Variants in TMEM232 observed in about 807,000 individuals in gnomAD.
TMEM232 encodes the protein transmembrane protein 232.
TMEM232 carries 80 observed loss-of-function variants against 78.8 expected under a neutral mutation model. That is an observed-to-expected ratio of 1.01 (90% CI 0.85 to 1.22). TMEM232 has a LOEUF of 1.22. Among genes scored for constraint, TMEM232 ranks in the 50% most tolerant of loss-of-function variants. The probability of loss-of-function intolerance (pLI) is 0.00; values close to 1 mark genes in which losing one functional copy is unlikely to be tolerated. For synonymous variants in TMEM232, 297 were observed against 254.3 expected, an observed-to-expected ratio of 1.17 and a Z score of -1.60; for missense variants, 881 against 742.2, an observed-to-expected ratio of 1.19 and a Z score of -2.17.
intron 12 of TMEM232, among the ~76,000 whole-genome samples, chr5:110,481,614 C>G (rs983549154): frequency 6.6e-6 from 1 of 152,134 alleles, no homozygotes; most frequent in African/African-American, 2.4e-5. Flanking sequence ...AACATTTTGA[C>G]TCTGAGAAAT....
chr5:110,662,324 G>GA (rs1158124449), intron 2 of TMEM232, among the ~76,000 whole-genome samples: 1 of 151,814 alleles, frequency 6.6e-6, no homozygotes, highest in Non-Finnish European at 1.5e-5. Context: ...ATACCTATAT[G>GA]AAAAAAGCAG....
chr5:110,597,592 C>T (rs994686572), intron 10 of TMEM232, among the ~76,000 whole-genome samples: 2 of 151,786 alleles, frequency 1.3e-5, no homozygotes, highest in African/African-American at 4.8e-5. Context: ...CTGGAGGCAT[C>T]ACGCTACCTG....
At chr5:110,593,829 GT>G (rs1779829011) in intron 10 of TMEM232, among the ~76,000 whole-genome samples, 1 of 151,994 alleles carries the variant, frequency 6.6e-6, no homozygotes, top group African/African-American at 2.4e-5. Flanking sequence ...TAATTGGATT[GT>G]TTGTAACACA....
intron 10 of TMEM232, among the ~76,000 whole-genome samples, chr5:110,596,987 T>C (rs1780249134): frequency 6.6e-6 from 1 of 152,132 alleles, no homozygotes; most frequent in South Asian, 2.1e-4. Flanking sequence ...CCCCTCCTAT[T>C]CAACATAGTG....
chr5:110,484,328 G>GA (rs576149495), intron 12 of TMEM232, among the ~76,000 whole-genome samples: 34 of 150,902 alleles, frequency 2.3e-4, no homozygotes, highest in Non-Finnish European at 4.1e-4. Flanking sequence ...TTTAAAAAGT[G>GA]AAAAATCGAA....
intron 1 of TMEM232, among the ~76,000 whole-genome samples, chr5:110,696,392 C>A: frequency 6.6e-6 from 1 of 152,112 alleles, no homozygotes; most frequent in East Asian, 1.9e-4. Context: ...AAAACGGGCA[C>A]AAGACAGGGA....
At chr5:110,391,291 ATGTGTGTGTGTGTGTGTGTG>A (rs369913835) in intron 3 of TMEM232, among the ~76,000 whole-genome samples, 1 of 130,578 alleles carries the variant, frequency 7.7e-6, no homozygotes, top group Non-Finnish European at 1.6e-5. Context: ...TCCCGTTTGA[ATGTGTGTGTGTGTGTGTGTG>A]TGTGTGTGTG....
intron 12 of TMEM232, among the ~76,000 whole-genome samples, chr5:110,430,751 T>C (rs1055422180): frequency 2.0e-5 from 3 of 151,762 alleles, no homozygotes; most frequent in Non-Finnish European, 4.4e-5. Context: ...TTCAATAACC[T>C]TTAGGATTTC....
intron 10 of TMEM232, among the ~76,000 whole-genome samples, chr5:110,585,699 G>C (rs767389740): frequency 4.8e-4 from 73 of 151,968 alleles, no homozygotes; most frequent in Non-Finnish European, 8.4e-4. Context: ...GCAGTTCCAA[G>C]AGCTCTGGGT....
intron 12 of TMEM232, among the ~76,000 whole-genome samples, chr5:110,444,235 C>T (rs545887736): frequency 3.6e-4 from 54 of 152,068 alleles, no homozygotes; most frequent in Non-Finnish European, 6.3e-4. Flanking sequence ...CCCCTGATGA[C>T]AAGGTTTGTT....
chr5:110,444,277 C>T (rs1470815290), intron 12 of TMEM232, among the ~76,000 whole-genome samples: 4 of 152,114 alleles, frequency 2.6e-5, no homozygotes, highest in Admixed American at 2.0e-4. Context: ...TTCCCTTTGG[C>T]TAGGGCTGAT....
chr5:110,626,186 A>AT (rs34004837), intron 6 of TMEM232, among the ~76,000 whole-genome samples: 100 of 149,908 alleles, frequency 6.7e-4, no homozygotes, highest in African/African-American at 1.9e-3. Context: ...TGAAAGAAAG[A>AT]TTTTTTTTTT....
chr5:110,713,640 C>G (rs1173173125), intron 1 of TMEM232, among the ~76,000 whole-genome samples: 1 of 152,072 alleles, frequency 6.6e-6, no homozygotes, highest in East Asian at 1.9e-4. Context: ...AAGATGTCTG[C>G]TGATTTGACA....
intron 1 of TMEM232, among the ~76,000 whole-genome samples, chr5:110,702,706 T>C (rs1055460778): frequency 2.6e-5 from 4 of 152,076 alleles, no homozygotes; most frequent in African/African-American, 9.7e-5. Flanking sequence ...TCTGATTCAT[T>C]GATGGATCAT....
chr5:110,718,283 G>A (rs1440787362), intron 1 of TMEM232, among the ~76,000 whole-genome samples: 1 of 152,140 alleles, frequency 6.6e-6, no homozygotes, highest in African/African-American at 2.4e-5. Context: ...AAGGCTTTCA[G>A]ATAGGTGATT....
intron 12 of TMEM232, among the ~76,000 whole-genome samples, chr5:110,448,986 G>A (rs1375401671): frequency 6.6e-6 from 1 of 151,800 alleles, no homozygotes; most frequent in African/African-American, 2.4e-5. Flanking sequence ...GAAGGCAAAG[G>A]AAAAACTAAA....
chr5:110,402,992 A>C (rs1755659872), intron 2 of TMEM232, among the ~76,000 whole-genome samples: 1 of 152,160 alleles, frequency 6.6e-6, no homozygotes, highest in Non-Finnish European at 1.5e-5. Context: ...TGCAGAAAAC[A>C]AAAAGACAAA....
chr5:110,554,897 G>T (rs928431116), intron 11 of TMEM232, among the ~76,000 whole-genome samples: 11 of 152,102 alleles, frequency 7.2e-5, no homozygotes, highest in Non-Finnish European at 1.6e-4. Context: ...GAGGTTATGT[G>T]TTTCCAGGAA....
At chr5:110,476,463 T>C (rs1763265767) in intron 12 of TMEM232, among the ~76,000 whole-genome samples, 1 of 152,044 alleles carries the variant, frequency 6.6e-6, no homozygotes. Context: ...TCTGGAACCA[T>C]GAGTAAATAA....
Sources: allele counts gnomAD v4.1 joint callset (sites outside exome capture counted in the v4.1 genomes callset), GRCh38; gene constraint gnomAD v4.1.1; transcripts MANE v1.5; gene names NCBI Gene and HGNC (gene_info 2026-07-23, HGNC 2026-07-21).